The following ETS1 variants were observed in gnomAD, a reference collection of about 807,000 sequenced individuals.
The protein encoded by ETS1 is ETS proto-oncogene 1, transcription factor, also known as protein C-ets-1.
ETS1 carries 15 observed loss-of-function variants against 58.6 expected under a neutral mutation model. The ratio of observed to expected loss-of-function variants is 0.26; its 90% CI spans 0.17 to 0.39. The LOEUF (loss-of-function observed/expected upper bound fraction) is 0.39. Among genes scored for constraint, ETS1 ranks in the 10% least tolerant of loss-of-function variants. ETS1 has a pLI of 1.00. For synonymous variants in ETS1, 214 were observed against 218.2 expected (o/e 0.98, Z 0.17); for missense variants, 417 against 610.5 (o/e 0.68, Z 3.34).
chr11:128,510,993 G>A lies in ETS1; in HGVS notation c.215-20417C>T, dbSNP rs76615112. Among the ~76,000 whole-genome samples, 1,414 of 152,296 alleles carry A rather than the reference G, an allele frequency of 9.3e-3. 15 individuals are homozygous for A. The highest frequency in any genetic ancestry group is 0.032 in the African/African-American group (1,340 of 41,566). On this transcript the variant is annotated intron_variant, in intron 3 of 9. Transcript: ENST00000392668. Reference sequence around the variant, plus strand: ...TGCTAAGCTCTGAGTGTCTATGCATGGTACCACAGCAAACACCCTATGTCC... The same window carrying A: ...TGCTAAGCTCTGAGTGTCTATGCATAGTACCACAGCAAACACCCTATGTCC...
At position 128,540,229 on chromosome 11, in the gene ETS1, C is replaced by T. The variant is rs1159479799; in HGVS notation, c.214+16062G>A. 2.7e-5 allele frequency among the ~76,000 whole-genome samples: 4 copies of T among 149,086 alleles called. No individual in the cohort carries two copies. The East Asian group carries it at 8.1e-4, about 30-fold the overall frequency. On this transcript the variant is annotated intron_variant, in intron 3 of 9. Transcript: ENST00000392668. ...TCAGGAGTCTGAGACTGGAGAATCA[C>T]TTCAACCCAGGAGGCGGACGGAGGA...
intron 3 of ETS1, among the ~76,000 whole-genome samples, chr11:128,516,948 G>A (rs911215883): frequency 3.9e-5 from 6 of 152,184 alleles, no homozygotes; most frequent in South Asian, 2.1e-4. Context: ...GAGGCTCAGC[G>A]AAGGACTGAC....
chr11:128,584,680 GGGATAAA>G (rs1864938162), intron 1 of ETS1, among the ~76,000 whole-genome samples: 1 of 152,058 alleles, frequency 6.6e-6, no homozygotes, highest in South Asian at 2.1e-4. Flanking sequence ...CAGTACAGCA[GGGATAAA>G]GGAGATGAGG....
chr11:128,517,340 C>A (rs1047258902), intron 3 of ETS1, among the ~76,000 whole-genome samples: 4 of 152,344 alleles, frequency 2.6e-5, no homozygotes, highest in Non-Finnish European at 4.4e-5. Flanking sequence ...TATAAAATGC[C>A]TACAACATCT....
chr11:128,462,144 C>A lies in ETS1; in HGVS notation c.*217G>T. The A allele has an allele frequency of 1.9e-6, 1 of 518,070 alleles. No homozygotes were observed. The highest frequency in any genetic ancestry group is 3.4e-6 in the Non-Finnish European group (1 of 289,950). 32.1% of individuals were successfully genotyped at this position (518,070 alleles called of 1,614,324 possible). A position where few individuals can be genotyped will look rare whatever the true frequency, so the allele number is the denominator to read the frequency against. On this transcript the variant is annotated 3_prime_UTR_variant, in exon 10 of 10. Coordinates refer to ENST00000392668, the MANE Select transcript of ETS1 (RefSeq NM_001143820.2). Reference sequence around the variant, plus strand: ...CTTCTCCCTCTCCTGAAAATTTGCTCAAGAATTTCTGGTCCCACCCACCCC... The same window carrying A: ...CTTCTCCCTCTCCTGAAAATTTGCTAAAGAATTTCTGGTCCCACCCACCCC...
At chr11:128,488,175 T>C (rs911060648) in intron 5 of ETS1, among the ~76,000 whole-genome samples, 2 of 152,170 alleles carry the variant, frequency 1.3e-5, no homozygotes, top group Admixed American at 6.5e-5. Flanking sequence ...TGTCAACACC[T>C]ATGAGTGGGT....
chr11:128,486,225 G>C, intron 5 of ETS1, 79 bp from the exon 6 acceptor site: 1 of 855,164 alleles, frequency 1.2e-6, no homozygotes, highest in Non-Finnish European at 2.0e-6. Context: ...TGGATGCAAA[G>C]ACCACAATGA....
In ETS1 at chr11:128,464,012, T is replaced by C. The variant is rs1861968703; in HGVS notation, c.1124-385A>G. On this transcript the variant is annotated intron_variant, in intron 8 of 9. Coordinates refer to ENST00000392668, the MANE Select transcript of ETS1 (RefSeq NM_001143820.2). This position sits in a 1 kb window ranked among gnomAD's most constrained non-coding sequence, Gnocchi z 4.1. ...TTTTTGCCTTCAGAAGTAAGAAACA[T>C]ATTAACGAAGGAATGAATGTCTTTG... 1 of 162,620 alleles carries C rather than the reference T, an allele frequency of 6.1e-6. No individual in the cohort carries two copies. The highest frequency in any genetic ancestry group is 1.6e-4 in the South Asian group (1 of 6,236). 10.1% of individuals were successfully genotyped at this position (162,620 alleles called of 1,614,324 possible). A position where few individuals can be genotyped will look rare whatever the true frequency, so the allele number is the denominator to read the frequency against.
At position 128,549,612 on chromosome 11, in the gene ETS1, G is replaced by A. The variant is rs1362876857; in HGVS notation, c.214+6679C>T. ...CGAGAAGCTGCGAGTTCGAGGGCGG[G>A]CCGGCGGAAGGCTTGCCTTTCCACT... On this transcript the variant is annotated intron_variant, in intron 3 of 9. Coordinates refer to ENST00000392668, the MANE Select transcript of ETS1 (RefSeq NM_001143820.2). This position sits in a 1 kb window ranked among gnomAD's most constrained non-coding sequence, Gnocchi z 4.3. Among the ~76,000 whole-genome samples, 1 of 152,234 alleles carries A rather than the reference G, an allele frequency of 6.6e-6. No individual in the cohort carries two copies. The highest frequency in any genetic ancestry group is 1.5e-5 in the Non-Finnish European group (1 of 68,034).
chr11:128,474,755 T>C (rs1391027059), intron 8 of ETS1, among the ~76,000 whole-genome samples: 2 of 152,212 alleles, frequency 1.3e-5, no homozygotes, highest in Non-Finnish European at 2.9e-5. Context: ...AGGCTCTATT[T>C]AAGCTGAGGG....
chr11:128,462,475 C>G lies in ETS1; in HGVS notation c.1344G>C (p.Lys448Asn). 6.2e-7 allele frequency: 1 copy of G among 1,614,180 alleles called. No individual in the cohort carries two copies. The highest frequency in any genetic ancestry group is 8.5e-7 in the Non-Finnish European group (1 of 1,180,024). The part of the protein sequence containing the change: ...RYYYDKNIIH[K>N]TAGKRYVYRF... Reference sequence around the variant, plus strand: ...GGTACACGTAGCGTTTCCCCGCTGTCTTGTGGATGATGTTTTTGTCGTAAT... The same window carrying G: ...GGTACACGTAGCGTTTCCCCGCTGTGTTGTGGATGATGTTTTTGTCGTAAT... Residue 448 changes from lysine (K) to asparagine (N), a missense_variant, in exon 10 of 10, where the codon AAG becomes AAC. By Grantham distance (94) the Lys-to-Asn change is moderately conservative. This residue lies in a region of ETS1 where 56 missense variants were observed against 156.1 expected (regional missense o/e 0.36). Coordinates refer to ENST00000392668, the MANE Select transcript of ETS1 (RefSeq NM_001143820.2).
rs1555093237 is a variant in ETS1, at chr11:128,585,242, G to GAA, written c.-15+2244_-15+2245dup. Among the ~76,000 whole-genome samples the GAA allele has an allele frequency of 7.6e-5, 10 of 131,246 alleles. No homozygotes were observed. The East Asian group carries it at 2.4e-3, about 31-fold the overall frequency. The allele number at this position is 131,246 out of a possible 152,430, so 86.1% of individuals were successfully genotyped here. ...AGAAAGAAAGAAAGAAAGAAAGAAA[G>GAA]AAAAAGAAAGGAGGGAGGGAGGAAA... On this transcript the variant is annotated intron_variant, in intron 1 of 9. Coordinates refer to ENST00000392668, the MANE Select transcript of ETS1 (RefSeq NM_001143820.2).
intron 3 of ETS1, among the ~76,000 whole-genome samples, chr11:128,520,358 C>T (rs1863633382): frequency 1.3e-5 from 2 of 152,268 alleles, no homozygotes; most frequent in South Asian, 2.1e-4. Flanking sequence ...CATATCGACA[C>T]GATATTTCCC....
chr11:128,478,492 A>G (rs1403532148), intron 8 of ETS1, among the ~76,000 whole-genome samples: 1 of 149,860 alleles, frequency 6.7e-6, no homozygotes, highest in Non-Finnish European at 1.5e-5. Context: ...GAAGGGCAGA[A>G]GAGAGGGTGG....
chr11:128,485,656 A>T (rs1041902285), intron 6 of ETS1, among the ~76,000 whole-genome samples: 3 of 152,182 alleles, frequency 2.0e-5, no homozygotes, highest in African/African-American at 7.2e-5. Context: ...TGCATAGCAC[A>T]CTCTTAAAGA....
chr11:128,575,352 A>G (rs1035599167), intron 1 of ETS1, among the ~76,000 whole-genome samples: 1 of 152,142 alleles, frequency 6.6e-6, no homozygotes, highest in Non-Finnish European at 1.5e-5. Context: ...TACTGTACTC[A>G]CCTATTTTCA....
At chr11:128,509,500 T>C (rs1200474893) in intron 3 of ETS1, among the ~76,000 whole-genome samples, 3 of 151,948 alleles carry the variant, frequency 2.0e-5, no homozygotes, top group Non-Finnish European at 4.4e-5. Flanking sequence ...CTAGCCACCT[T>C]TCATGTGTCT....
At chr11:128,472,566 C>A (rs1035697020) in intron 8 of ETS1, among the ~76,000 whole-genome samples, 1 of 152,242 alleles carries the variant, frequency 6.6e-6, no homozygotes, top group Non-Finnish European at 1.5e-5. Flanking sequence ...CTACTCAGTT[C>A]TCCTGCTTCA....
At chr11:128,540,251 A>C (rs1448348097) in intron 3 of ETS1, among the ~76,000 whole-genome samples, 1 of 145,546 alleles carries the variant, frequency 6.9e-6, no homozygotes, top group African/African-American at 2.5e-5. Context: ...AGGCGGACGG[A>C]GGATGCAGTG....
Sources: allele counts gnomAD v4.1 joint callset (sites outside exome capture counted in the v4.1 genomes callset), GRCh38; gene constraint gnomAD v4.1.1; regional missense constraint gnomAD v4.1.1; non-coding constraint Gnocchi (gnomAD v3.1); transcripts MANE v1.5; gene names NCBI Gene and HGNC (gene_info 2026-07-23, HGNC 2026-07-21).